SYN2: variants seen among roughly 807,000 people sequenced by gnomAD.
SYN2 encodes synapsin-2.
Under a neutral mutation model 50.9 loss-of-function variants are expected in SYN2, and 19 were observed. The observed-to-expected ratio is 0.37, with a 90% CI of 0.26 to 0.55. The LOEUF is 0.55. SYN2 is among the 20% of genes least tolerant of loss of function. SYN2 has a pLI of 0.81. For missense variants in SYN2, 587 were observed against 576.4 expected (o/e 1.02, Z -0.19); for synonymous variants, 255 against 224.9 (o/e 1.13, Z -1.20).
At chr3:12,073,663 C>T (rs903368714) in intron 1 of SYN2, among the ~76,000 whole-genome samples, 11 of 152,122 alleles carry the variant, frequency 7.2e-5, no homozygotes, top group African/African-American at 2.4e-4. Flanking sequence ...AACCACAAGA[C>T]AGAATATTAA....
chr3:12,103,971 A>G (rs920369921), intron 1 of SYN2, among the ~76,000 whole-genome samples: 11 of 152,236 alleles, frequency 7.2e-5, no homozygotes, highest in Non-Finnish European at 4.4e-5. Context: ...TAGAAATAAC[A>G]TATAAAACAC....
At chr3:12,138,405 A>G (rs1696946098) in intron 1 of SYN2, among the ~76,000 whole-genome samples, 1 of 152,236 alleles carries the variant, frequency 6.6e-6, no homozygotes, top group African/African-American at 2.4e-5. Flanking sequence ...CAGGTGCAGG[A>G]AGTGGCAGAT....
intron 1 of SYN2, among the ~76,000 whole-genome samples, chr3:12,079,506 C>T (rs560284229): frequency 2.0e-5 from 3 of 152,168 alleles, no homozygotes; most frequent in Admixed American, 6.5e-5. Context: ...GAGTTTTTAA[C>T]GTGAAGGTAT....
intron 10 of SYN2, among the ~76,000 whole-genome samples, chr3:12,182,161 A>G (rs1245040660): frequency 1.3e-5 from 2 of 152,222 alleles, no homozygotes; most frequent in Admixed American, 6.5e-5. Flanking sequence ...CATAATGGGC[A>G]GGGAGATAAA....
chr3:12,036,764 A>T (rs1488097924), intron 1 of SYN2, among the ~76,000 whole-genome samples: 2 of 152,214 alleles, frequency 1.3e-5, no homozygotes, highest in Non-Finnish European at 2.9e-5. Flanking sequence ...CTACATCCTT[A>T]GTATTCTCTC....
At chr3:12,036,254 TG>T (rs1055483066) in intron 1 of SYN2, among the ~76,000 whole-genome samples, 9 of 152,112 alleles carry the variant, frequency 5.9e-5, no homozygotes, top group African/African-American at 1.9e-4. Flanking sequence ...TTGCCCTAAT[TG>T]TAGGGGAGGG....
intron 9 of SYN2, among the ~76,000 whole-genome samples, chr3:12,169,454 G>A (rs555530666): frequency 2.6e-5 from 4 of 152,298 alleles, no homozygotes; most frequent in African/African-American, 9.6e-5. Flanking sequence ...AAACTTTTGC[G>A]CCCTGAGGCT....
At chr3:12,170,785 A>G (rs3931883) in intron 10 of SYN2, among the ~76,000 whole-genome samples, 17,432 of 152,174 alleles carry the variant, frequency 0.11, 2,063 homozygotes, top group African/African-American at 0.3. Flanking sequence ...TCTCTCGGCT[A>G]TCTTTCCATC....
intron 1 of SYN2, among the ~76,000 whole-genome samples, chr3:12,091,067 A>G (rs1233660939): frequency 6.6e-6 from 1 of 152,190 alleles, no homozygotes; most frequent in East Asian, 1.9e-4. Flanking sequence ...TAATCTTGGT[A>G]GATGGAGGGC....
At chr3:12,176,312 T>C (rs1361117426) in intron 10 of SYN2, among the ~76,000 whole-genome samples, 1 of 152,232 alleles carries the variant, frequency 6.6e-6, no homozygotes, top group Non-Finnish European at 1.5e-5. Context: ...ATGTGGCTAA[T>C]GTTTTTTTCA....
At chr3:12,143,894 A>C (rs1697085808) in intron 3 of SYN2, among the ~76,000 whole-genome samples, 1 of 152,238 alleles carries the variant, frequency 6.6e-6, no homozygotes. Flanking sequence ...ACTAATTTAC[A>C]TTCCCACCAA....
chr3:12,168,457 T>G lies in SYN2; in HGVS notation c.1137T>G (p.Asp379Glu). ...ICAVKAVHGK[D>E]GKDYIFEVMD... Reference sequence around the variant, plus strand: ...CTGTCAAAGCTGTACATGGCAAAGATGGGAAAGACTACATTTTTGAGGTAA... The same window carrying G: ...CTGTCAAAGCTGTACATGGCAAAGAGGGGAAAGACTACATTTTTGAGGTAA... The change falls in exon 9 of 13, where the codon GAT becomes GAG. Residue 379 changes from aspartate to glutamate, a missense_variant. Coordinates refer to ENST00000621198, the MANE Select transcript of SYN2 (RefSeq NM_133625.6). The G allele has an allele frequency of 6.2e-7, 1 of 1,613,798 alleles. No homozygotes were observed. Among genetic ancestry groups the G allele is most frequent in the Non-Finnish European group, 8.5e-7 (1 of 1,179,828 alleles).
At chr3:12,046,947 C>T (rs368945221) in intron 1 of SYN2, among the ~76,000 whole-genome samples, 116 of 134,424 alleles carry the variant, frequency 8.6e-4, no homozygotes, top group East Asian at 5.3e-3. Flanking sequence ...ATTGAAGTGC[C>T]AATGAGACAA....
At chr3:12,037,305 A>G (rs1694519842) in intron 1 of SYN2, among the ~76,000 whole-genome samples, 1 of 152,036 alleles carries the variant, frequency 6.6e-6, no homozygotes. Flanking sequence ...GTCTCTACCT[A>G]TTATCCATTT....
chr3:12,116,840 T>G (rs1696442708), intron 1 of SYN2, among the ~76,000 whole-genome samples: 3 of 152,176 alleles, frequency 2.0e-5, no homozygotes, highest in Non-Finnish European at 4.4e-5. Context: ...AGCCTCACCT[T>G]CCTGGGCTGA....
At chr3:12,183,472 A>G in intron 11 of SYN2, 100 bp downstream of exon 11, 2 of 1,608,130 alleles carry the variant, frequency 1.2e-6, no homozygotes, top group Admixed American at 1.7e-5. Context: ...CAAAGCAGAA[A>G]TTTTAAGCCA....
At chr3:12,083,445 A>G (rs1364666103) in intron 1 of SYN2, among the ~76,000 whole-genome samples, 4 of 152,142 alleles carry the variant, frequency 2.6e-5, no homozygotes, top group Non-Finnish European at 5.9e-5. Flanking sequence ...CTTCCTACCT[A>G]GGGTTGGTGG....
intron 1 of SYN2, among the ~76,000 whole-genome samples, chr3:12,135,257 G>C (rs1443287280): frequency 1.3e-5 from 2 of 152,182 alleles, no homozygotes; most frequent in African/African-American, 4.8e-5. Flanking sequence ...CTTGCACCAG[G>C]ACAGGAAGGC....
At chr3:12,047,212 G>A (rs191463922) in intron 1 of SYN2, among the ~76,000 whole-genome samples, 77 of 152,272 alleles carry the variant, frequency 5.1e-4, no homozygotes, top group African/African-American at 1.7e-3. Context: ...TGGCTCACAG[G>A]TGTTTTTGGT....
Sources: gnomAD v4.1 joint callset for allele counts (sites outside exome capture counted in the v4.1 genomes callset) on GRCh38, gnomAD v4.1.1 for gene constraint, MANE v1.5 for transcripts, NCBI Gene and HGNC (gene_info 2026-07-23, HGNC 2026-07-21) for gene names.